ROBO1: variants seen among roughly 807,000 people sequenced by gnomAD.
The protein encoded by ROBO1 is roundabout homolog 1.
In ROBO1, 149 loss-of-function variants were observed where a neutral mutation model predicts 195.9. The ratio of observed to expected loss-of-function variants is 0.76; its 90% CI spans 0.67 to 0.87. The LOEUF is 0.87. ROBO1 is among the 40% of genes least tolerant of loss of function. ROBO1 has a pLI of 0.00. For missense variants in ROBO1, 1,933 were observed against 2,068.3 expected, an observed-to-expected ratio of 0.93 and a Z score of 1.27; for synonymous variants, 816 against 733.2, an observed-to-expected ratio of 1.11 and a Z score of -1.82.
chr3:79,140,843 C>T (rs983191371), intron 2 of ROBO1, among the ~76,000 whole-genome samples: 4 of 152,014 alleles, frequency 2.6e-5, no homozygotes, highest in Non-Finnish European at 2.9e-5. Flanking sequence ...CCTTAGCACT[C>T]GTTTACACGG....
chr3:78,600,432 G>GGACA, intron 29 of ROBO1, 123 bp from the exon 30 acceptor site: 1 of 665,838 alleles, frequency 1.5e-6, no homozygotes, highest in Middle Eastern at 3.3e-4. Context: ...GTATAAATGA[G>GGACA]GACACTCTAT....
At chr3:78,616,361 C>G (rs936765503) in intron 27 of ROBO1, among the ~76,000 whole-genome samples, 2 of 151,936 alleles carry the variant, frequency 1.3e-5, no homozygotes, top group Non-Finnish European at 2.9e-5. Flanking sequence ...CATTCAGCAG[C>G]TACTAGAGGA....
At chr3:79,352,653 C>G (rs916396023) in intron 2 of ROBO1, among the ~76,000 whole-genome samples, 1 of 152,176 alleles carries the variant, frequency 6.6e-6, no homozygotes, top group Non-Finnish European at 1.5e-5. Flanking sequence ...TCTACTCACA[C>G]TCTGTTCCCT....
At chr3:79,491,114 C>T (rs919815240) in intron 2 of ROBO1, among the ~76,000 whole-genome samples, 1 of 151,880 alleles carries the variant, frequency 6.6e-6, no homozygotes, top group Admixed American at 6.6e-5. Context: ...AGGGCTTCAA[C>T]AGTGAAATAA....
chr3:79,496,686 C>T (rs909335656), intron 2 of ROBO1, among the ~76,000 whole-genome samples: 1 of 152,012 alleles, frequency 6.6e-6, no homozygotes, highest in Non-Finnish European at 1.5e-5. Context: ...CGCGCCCGGC[C>T]GCACCCATCA....
At chr3:78,757,269 T>C (rs1344126109) in intron 4 of ROBO1, among the ~76,000 whole-genome samples, 1 of 152,144 alleles carries the variant, frequency 6.6e-6, no homozygotes, top group African/African-American at 2.4e-5. Context: ...GACACATAGG[T>C]GATGCAAGGA....
At chr3:78,799,787 A>T (rs1029509742) in intron 4 of ROBO1, among the ~76,000 whole-genome samples, 17 of 152,128 alleles carry the variant, frequency 1.1e-4, no homozygotes, top group Admixed American at 9.8e-4. Context: ...TTCTTGTGCT[A>T]CTTCTACCTC....
intron 24 of ROBO1, among the ~76,000 whole-genome samples, 155 bp from the exon 25 acceptor site, chr3:78,631,460 AC>A (rs1705183586): frequency 6.6e-6 from 1 of 152,236 alleles, no homozygotes; most frequent in African/African-American, 2.4e-5. Flanking sequence ...AGAACTTTGT[AC>A]AAGAGAACAT....
chr3:79,128,477 T>C (rs1448888836), intron 2 of ROBO1, among the ~76,000 whole-genome samples: 3 of 152,190 alleles, frequency 2.0e-5, no homozygotes, highest in Non-Finnish European at 4.4e-5. Context: ...AAGTGATAGA[T>C]GCTCAATCTG....
At chr3:78,947,857 CAG>C (rs2040540796) in intron 3 of ROBO1, among the ~76,000 whole-genome samples, 1 of 152,170 alleles carries the variant, frequency 6.6e-6, no homozygotes, top group South Asian at 2.1e-4. Context: ...ACCAATCCCA[CAG>C]AAACACAAAC....
At chr3:78,904,352 T>G (rs1023579182) in intron 4 of ROBO1, among the ~76,000 whole-genome samples, 3 of 152,104 alleles carry the variant, frequency 2.0e-5, no homozygotes, top group African/African-American at 7.2e-5. Flanking sequence ...CAAAGTTTTA[T>G]ACACCATAGC....
At position 79,345,654 on chromosome 3, in the gene ROBO1, C is replaced by T. The variant is rs558682273; in HGVS notation, c.89-220115G>A. Among the ~76,000 whole-genome samples the T allele has an allele frequency of 2.6e-5, 4 of 152,214 alleles. No homozygotes were observed. The East Asian group carries it at 7.7e-4, about 29-fold the overall frequency. On this transcript the variant is annotated intron_variant, in intron 2 of 30. Coordinates refer to ENST00000464233, the MANE Select transcript of ROBO1 (RefSeq NM_002941.4). ...TTTGCTTTCACTTGAACTATCTAAACCCTACCACAGCCACTTTCTAATCAT... is the reference window on the plus strand; with the variant it reads ...TTTGCTTTCACTTGAACTATCTAAATCCTACCACAGCCACTTTCTAATCAT...
intron 1 of ROBO1, among the ~76,000 whole-genome samples, chr3:79,732,416 A>C (rs1442183192): frequency 6.6e-6 from 1 of 152,176 alleles, no homozygotes; most frequent in Non-Finnish European, 1.5e-5. Context: ...ATAAGGAAAT[A>C]GAATAGCTGT....
At chr3:79,434,124 C>G (rs1233308745) in intron 2 of ROBO1, among the ~76,000 whole-genome samples, 1 of 152,134 alleles carries the variant, frequency 6.6e-6, no homozygotes, top group Non-Finnish European at 1.5e-5. Context: ...TAGAAGAAAA[C>G]CTAGGCAATA....
chr3:79,149,798 T>C (rs1031357333), intron 2 of ROBO1, among the ~76,000 whole-genome samples: 1 of 151,788 alleles, frequency 6.6e-6, no homozygotes, highest in African/African-American at 2.4e-5. Context: ...GGCATGTCCA[T>C]CGCCCAAGTT....
intron 2 of ROBO1, among the ~76,000 whole-genome samples, chr3:79,529,309 C>T (rs1210147652): frequency 2.6e-5 from 4 of 151,992 alleles, no homozygotes; most frequent in Non-Finnish European, 5.9e-5. Flanking sequence ...TGGCAAGTCC[C>T]TGTCTCTAAA....
At chr3:79,429,005 G>A (rs762930880) in intron 2 of ROBO1, among the ~76,000 whole-genome samples, 1 of 152,076 alleles carries the variant, frequency 6.6e-6, no homozygotes, top group Admixed American at 6.6e-5. Flanking sequence ...TGGGGATGAC[G>A]GAAATATTAC....
chr3:79,285,170 T>G, intron 2 of ROBO1, among the ~76,000 whole-genome samples: 1 of 152,306 alleles, frequency 6.6e-6, no homozygotes, highest in Admixed American at 6.5e-5. Context: ...AGTTTATATA[T>G]GGCTAACCGA....
At chr3:79,621,177 T>C (rs1227814903) in intron 1 of ROBO1, among the ~76,000 whole-genome samples, 2 of 152,160 alleles carry the variant, frequency 1.3e-5, no homozygotes, top group Non-Finnish European at 2.9e-5. Context: ...GCTGCAAGGC[T>C]TCAGGGACAG....
Sources: gnomAD v4.1 joint callset for allele counts (sites outside exome capture counted in the v4.1 genomes callset) on GRCh38, gnomAD v4.1.1 for gene constraint, MANE v1.5 for transcripts, NCBI Gene and HGNC (gene_info 2026-07-23, HGNC 2026-07-21) for gene names.